The following ACAD11 variants were observed in gnomAD, a reference collection of about 807,000 sequenced individuals.
The protein encoded by ACAD11 is acyl-CoA dehydrogenase family member 11.
A neutral mutation model predicts 102.2 loss-of-function variants in ACAD11; 83 were observed. The observed-to-expected ratio is 0.81, with a 90% CI of 0.68 to 0.97. The LOEUF is 0.97. Ranked by LOEUF, ACAD11 falls within the 50% of genes least tolerant of loss-of-function variation. The probability of loss-of-function intolerance (pLI) is 0.00; values close to 1 mark genes in which losing one functional copy is unlikely to be tolerated. For synonymous variants in ACAD11, 324 were observed against 319.8 expected (o/e 1.01, Z -0.14); for missense variants, 901 against 951.7 (o/e 0.95, Z 0.70).
chr3:132,633,376 T>C (rs1230710590), intron 5 of ACAD11, among the ~76,000 whole-genome samples: 1 of 152,220 alleles, frequency 6.6e-6, no homozygotes, highest in Non-Finnish European at 1.5e-5. Context: ...TGGATTATGT[T>C]TACTGATTTG....
chr3:132,567,884 G>A (rs925735894), intron 17 of ACAD11, among the ~76,000 whole-genome samples: 6 of 152,084 alleles, frequency 3.9e-5, no homozygotes, highest in Non-Finnish European at 8.8e-5. Context: ...ACAAAGGAAG[G>A]AGACAAAAAG....
chr3:132,629,450 G>A (rs552475208), intron 7 of ACAD11, among the ~76,000 whole-genome samples: 8 of 152,292 alleles, frequency 5.3e-5, no homozygotes, highest in South Asian at 4.1e-4. Context: ...GTGAGCCACC[G>A]TGCCTGGCCT....
At chr3:132,636,897 A>G (rs1475228909) in intron 5 of ACAD11, among the ~76,000 whole-genome samples, 1 of 152,208 alleles carries the variant, frequency 6.6e-6, no homozygotes, top group African/African-American at 2.4e-5. Flanking sequence ...GGTAGAAGAC[A>G]AGACCACATG....
chr3:132,568,171 G>A (rs1937266771), intron 17 of ACAD11, among the ~76,000 whole-genome samples: 1 of 152,138 alleles, frequency 6.6e-6, no homozygotes, highest in South Asian at 2.1e-4. Context: ...AGACCGCAGT[G>A]AGCCAAGATC....
chr3:132,588,935 T>C (rs1937963674), intron 13 of ACAD11, among the ~76,000 whole-genome samples: 1 of 152,166 alleles, frequency 6.6e-6, no homozygotes, highest in Non-Finnish European at 1.5e-5. Context: ...TGTCACCCCC[T>C]AGAAGTCATG....
chr3:132,587,948 T>C (rs1937914396), intron 13 of ACAD11, among the ~76,000 whole-genome samples: 1 of 152,160 alleles, frequency 6.6e-6, no homozygotes, highest in South Asian at 2.1e-4. Flanking sequence ...GGCTTTTTCC[T>C]TTCCAGGAAT....
chr3:132,571,281 G>A (rs1004866151), intron 17 of ACAD11, among the ~76,000 whole-genome samples: 33 of 147,268 alleles, frequency 2.2e-4, no homozygotes, highest in African/African-American at 8.0e-4. Context: ...TCACATGCCT[G>A]TTGGCCACAT....
chr3:132,600,316 C>T, intron 13 of ACAD11: 1 of 1,295,490 alleles, frequency 7.7e-7, no homozygotes, highest in Admixed American at 2.8e-5. Context: ...AAGAACAAAA[C>T]AGCTTGATAA....
chr3:132,626,360 CT>C (rs1342095625), intron 9 of ACAD11, among the ~76,000 whole-genome samples: 1 of 151,468 alleles, frequency 6.6e-6, no homozygotes, highest in East Asian at 1.9e-4. Flanking sequence ...GTCTACACTT[CT>C]CATTAAATTC....
Position 132,563,154 on chromosome 3 carries a change from C to T in ACAD11, c.2002-1937G>A, listed in dbSNP as rs532835495. Reference sequence around the variant, plus strand: ...GGCCTATATTTCTATGAATCTATTCCTGGACTCTCTCTTCTGCTCCAAAGA... The same window carrying T: ...GGCCTATATTTCTATGAATCTATTCTTGGACTCTCTCTTCTGCTCCAAAGA... On this transcript the variant is annotated intron_variant, in intron 17 of 19. Coordinates refer to ENST00000264990, the MANE Select transcript of ACAD11 (RefSeq NM_032169.5). Among the ~76,000 whole-genome samples, 10 of 152,214 alleles carry T rather than the reference C, an allele frequency of 6.6e-5. No homozygotes were observed. In the South Asian group the frequency reaches 2.1e-3, roughly 32 times the overall value.
intron 5 of ACAD11, among the ~76,000 whole-genome samples, chr3:132,634,960 C>T (rs1401414422): frequency 4.0e-5 from 6 of 151,018 alleles, no homozygotes; most frequent in Non-Finnish European, 8.8e-5. Flanking sequence ...TGCTAAATGA[C>T]GAGTTAATGG....
chr3:132,609,987 T>C (rs746163934), intron 11 of ACAD11, among the ~76,000 whole-genome samples: 6 of 152,192 alleles, frequency 3.9e-5, no homozygotes, highest in Non-Finnish European at 7.3e-5. Flanking sequence ...TGCAAACCAA[T>C]CGATGTAATC....
intron 13 of ACAD11, among the ~76,000 whole-genome samples, chr3:132,593,389 A>G (rs1015380131): frequency 6.6e-6 from 1 of 152,196 alleles, no homozygotes; most frequent in Non-Finnish European, 1.5e-5. Flanking sequence ...TTTACCACTA[A>G]TCAAATAAAC....
At position 132,613,338 on chromosome 3, in the gene ACAD11, G is replaced by A. The variant is rs1576590573; in HGVS notation, c.1414+5296C>T. Among the ~76,000 whole-genome samples, 3 of 151,644 alleles carry A rather than the reference G, an allele frequency of 2.0e-5. No homozygotes were observed. The East Asian group carries it at 5.8e-4, about 29-fold the overall frequency. On this transcript the variant is annotated intron_variant, in intron 11 of 19. Transcript: ENST00000264990. ...ACATGTATACATATGTAATAAACCT[G>A]CACGTTGTAGACATGTACCCTAAAA... is the stretch of plus-strand genomic sequence containing the variant.
At chr3:132,569,488 A>C (rs1937315427) in intron 17 of ACAD11, among the ~76,000 whole-genome samples, 1 of 152,226 alleles carries the variant, frequency 6.6e-6, no homozygotes, top group Non-Finnish European at 1.5e-5. Context: ...CTGAGAAACG[A>C]AAAATTATAT....
intron 12 of ACAD11, 51 bp from the exon 13 acceptor site, chr3:132,603,378 A>G: frequency 6.7e-7 from 1 of 1,496,936 alleles, no homozygotes; most frequent in Non-Finnish European, 9.3e-7. Context: ...TCATCAGTAG[A>G]CTTAGATAAG....
intron 17 of ACAD11, among the ~76,000 whole-genome samples, chr3:132,569,282 A>G (rs1251203767): frequency 6.6e-6 from 1 of 152,192 alleles, no homozygotes; most frequent in Non-Finnish European, 1.5e-5. Flanking sequence ...CCACAATGAG[A>G]TATCACTACA....
chr3:132,630,685 T>C (rs975335034), intron 6 of ACAD11, 127 bp from the exon 7 acceptor site: 20 of 749,072 alleles, frequency 2.7e-5, no homozygotes, highest in African/African-American at 9.1e-5. Flanking sequence ...ACAAAACATG[T>C]TCTAAATCTT....
In ACAD11 at chr3:132,605,114, A is replaced by G. The variant is rs1938785495; in HGVS notation, c.1506T>C (p.Ser502=). ...LEPLLQGNIT[S]CFCMTEPDVA... is the part of the protein sequence containing the mutation. ...GGCATTTACCTGTCATACAGAAGCAAGAGGTAATGTTCCCTTGAAGAAGAG... is the reference window on the plus strand; with the variant it reads ...GGCATTTACCTGTCATACAGAAGCAGGAGGTAATGTTCCCTTGAAGAAGAG... The change falls in exon 12 of 20, where the codon TCT becomes TCC. Residue 502 remains serine, a synonymous_variant. Transcript: ENST00000264990. 15 of 1,612,648 alleles carry G rather than the reference A, an allele frequency of 9.3e-6. No individual in the cohort carries two copies. The highest frequency in any genetic ancestry group is 1.2e-5 in the Non-Finnish European group (14 of 1,178,866).
Sources: gnomAD v4.1 joint callset for allele counts (sites outside exome capture counted in the v4.1 genomes callset) on GRCh38, gnomAD v4.1.1 for gene constraint, MANE v1.5 for transcripts, NCBI Gene and HGNC (gene_info 2026-07-23, HGNC 2026-07-21) for gene names.